The following PRKAR1B variants were observed in gnomAD, a reference collection of about 807,000 sequenced individuals.
The protein encoded by PRKAR1B is cAMP-dependent protein kinase type I-beta regulatory subunit.
A neutral mutation model predicts 46.5 loss-of-function variants in PRKAR1B; 22 were observed. That is an observed-to-expected ratio of 0.47 (90% CI 0.34 to 0.68). PRKAR1B has a LOEUF of 0.68. Among genes scored for constraint, PRKAR1B ranks in the 30% least tolerant of loss-of-function variants. The probability of loss-of-function intolerance (pLI) is 0.01; values close to 1 mark genes in which losing one functional copy is unlikely to be tolerated. For missense variants in PRKAR1B, 445 were observed against 535.6 expected, an observed-to-expected ratio of 0.83 and a Z score of 1.67; for synonymous variants, 259 against 217.7, an observed-to-expected ratio of 1.19 and a Z score of -1.67.
At chr7:689,147 GCT>G (rs1779271147) in intron 2 of PRKAR1B, among the ~76,000 whole-genome samples, 1 of 151,484 alleles carries the variant, frequency 6.6e-6, no homozygotes, top group Non-Finnish European at 1.5e-5. Flanking sequence ...GCAGAGTCTC[GCT>G]CTGTCACCCA....
In PRKAR1B at chr7:560,997, C is replaced by T. The variant is rs777730581; in HGVS notation, c.892-9527G>A. Among the ~76,000 whole-genome samples the T allele has an allele frequency of 6.6e-6, 1 of 152,178 alleles. No homozygotes were observed. Among genetic ancestry groups the T allele is most frequent in the Non-Finnish European group, 1.5e-5 (1 of 68,030 alleles). On this transcript the variant is annotated intron_variant, in intron 9 of 10. Transcript: ENST00000537384. The surrounding 1 kb of genome is among the most constrained non-coding windows in gnomAD (Gnocchi z 4.2). ...GTGTGCTTCTGGACTTAGGCAGAAG[C>T]AGAATCCTATACATACACACACACG...
intron 6 of PRKAR1B, among the ~76,000 whole-genome samples, chr7:605,285 C>G (rs1473303599): frequency 1.3e-5 from 2 of 152,224 alleles, no homozygotes; most frequent in Non-Finnish European, 2.9e-5. Flanking sequence ...GAAACAAACT[C>G]CTAGCGGGCG....
At chr7:700,163 A>G (rs557849592) in intron 2 of PRKAR1B, among the ~76,000 whole-genome samples, 166 of 152,296 alleles carry the variant, frequency 1.1e-3, no homozygotes, top group African/African-American at 3.9e-3. Context: ...AACACAGAGA[A>G]CCACAGAAAA....
intron 4 of PRKAR1B, among the ~76,000 whole-genome samples, chr7:653,870 ACCAT>A (rs2128491292): frequency 6.6e-6 from 1 of 152,038 alleles, no homozygotes; most frequent in African/African-American, 2.4e-5. Flanking sequence ...CACCAACATC[ACCAT>A]CATCACCTTC....
At chr7:637,686 T>C (rs1458098739) in intron 4 of PRKAR1B, among the ~76,000 whole-genome samples, 1 of 151,554 alleles carries the variant, frequency 6.6e-6, no homozygotes. Flanking sequence ...ATACAAAAAA[T>C]TAGCCGGGTG....
At chr7:604,635 G>A (rs1197990451) in intron 6 of PRKAR1B, among the ~76,000 whole-genome samples, 2 of 152,246 alleles carry the variant, frequency 1.3e-5, no homozygotes, top group African/African-American at 2.4e-5. Flanking sequence ...CGGAAGCAGA[G>A]TGGGCCTGCT....
At chr7:635,628 C>T (rs1035979728) in intron 4 of PRKAR1B, among the ~76,000 whole-genome samples, 1 of 152,118 alleles carries the variant, frequency 6.6e-6, no homozygotes, top group Non-Finnish European at 1.5e-5. Context: ...CCAGGCCCTC[C>T]CAGACTATCC....
At chr7:634,645 T>TG (rs1253400207) in intron 4 of PRKAR1B, among the ~76,000 whole-genome samples, 1 of 146,012 alleles carries the variant, frequency 6.8e-6, no homozygotes, top group Non-Finnish European at 1.5e-5. Flanking sequence ...AACTTACTGT[T>TG]TTTTTTTTTT....
At chr7:662,042 C>T (rs1166542771) in intron 4 of PRKAR1B, among the ~76,000 whole-genome samples, 6 of 66,016 alleles carry the variant, frequency 9.1e-5, no homozygotes, top group African/African-American at 1.9e-4. Context: ...TACCTACTCT[C>T]CCCCCCATGG....
chr7:640,616 AG>A (rs893209470), intron 4 of PRKAR1B, among the ~76,000 whole-genome samples: 1 of 152,078 alleles, frequency 6.6e-6, no homozygotes, highest in African/African-American at 2.4e-5. Context: ...TACAAAAATT[AG>A]CCGGGTGTGG....
At chr7:582,061 T>G (rs1232735171) in intron 8 of PRKAR1B, among the ~76,000 whole-genome samples, 2 of 152,218 alleles carry the variant, frequency 1.3e-5, no homozygotes, top group African/African-American at 4.8e-5. Context: ...CCATTCACCA[T>G]GTAAACTGCA....
chr7:556,243 G>A (rs1423795614), intron 9 of PRKAR1B, among the ~76,000 whole-genome samples: 4 of 151,600 alleles, frequency 2.6e-5, no homozygotes, highest in Non-Finnish European at 5.9e-5. Context: ...CCCACCACGT[G>A]CCAGGCACCG....
intron 9 of PRKAR1B, among the ~76,000 whole-genome samples, chr7:568,690 G>A (rs1027441232): frequency 6.6e-6 from 1 of 152,094 alleles, no homozygotes; most frequent in African/African-American, 2.4e-5. Context: ...GCTGCAAATC[G>A]ATTTGTCCAG....
At position 675,615 on chromosome 7, in the gene PRKAR1B, A is replaced by AAG. The variant is rs1786536648; in HGVS notation, c.440+1612_440+1613dup. 2.6e-5 allele frequency among the ~76,000 whole-genome samples: 4 copies of AAG among 152,338 alleles called. No individual in the cohort carries two copies. The South Asian group carries it at 6.2e-4, about 24-fold the overall frequency. Reference sequence around the variant, plus strand: ...AAAGAAAGAAACGAACAAGTACTCCAAGATGAAAACACAAGGATGACCACC... The same window carrying AAG: ...AAAGAAAGAAACGAACAAGTACTCCAAGAGATGAAAACACAAGGATGACCACC... On this transcript the variant is annotated intron_variant, in intron 4 of 10. Transcript: ENST00000537384.
chr7:575,986 C>G (rs767824337), intron 9 of PRKAR1B, among the ~76,000 whole-genome samples: 2 of 152,028 alleles, frequency 1.3e-5, no homozygotes, highest in Admixed American at 6.6e-5. Flanking sequence ...AATGTGCACG[C>G]TGGCATCCTC....
intron 2 of PRKAR1B, chr7:691,896 C>T (rs778760391): frequency 5.0e-5 from 56 of 1,121,072 alleles, no homozygotes; most frequent in South Asian, 3.0e-4. Context: ...ATGGCACAGA[C>T]GCCTCCCTGG....
At chr7:554,718 A>G (rs1287010196) in intron 9 of PRKAR1B, among the ~76,000 whole-genome samples, 1 of 149,556 alleles carries the variant, frequency 6.7e-6, no homozygotes, top group African/African-American at 2.5e-5. Context: ...CACGGATCCC[A>G]CAGAGCCGGA....
intron 9 of PRKAR1B, among the ~76,000 whole-genome samples, chr7:570,179 C>T (rs1284592329): frequency 3.3e-5 from 5 of 152,178 alleles, no homozygotes; most frequent in South Asian, 2.1e-4. Context: ...GGAGGACGCG[C>T]GGCCGGTGCA....
chr7:570,984 G>T (rs903865709), intron 9 of PRKAR1B, among the ~76,000 whole-genome samples: 5 of 152,236 alleles, frequency 3.3e-5, no homozygotes, highest in Non-Finnish European at 7.3e-5. Context: ...GCCGGAGAGA[G>T]GACAGGGCGT....
Sources: gnomAD v4.1 joint callset for allele counts (sites outside exome capture counted in the v4.1 genomes callset) on GRCh38, gnomAD v4.1.1 for gene constraint, Gnocchi (gnomAD v3.1) non-coding constraint, MANE v1.5 for transcripts, NCBI Gene and HGNC (gene_info 2026-07-23, HGNC 2026-07-21) for gene names.